Variants in USP40 observed in about 807,000 individuals in gnomAD.
USP40 encodes the protein ubiquitin specific peptidase 40.
A neutral mutation model predicts 166.2 loss-of-function variants in USP40; 143 were observed. That is an observed-to-expected ratio of 0.86 (90% confidence interval 0.75 to 0.99). The LOEUF (loss-of-function observed/expected upper bound fraction) is 0.99, where lower values mean the gene tolerates loss of function less well. Ranked by LOEUF, USP40 falls within the 50% of genes least tolerant of loss-of-function variation. The pLI, the probability that USP40 is intolerant of heterozygous loss-of-function variation, is 0.00. For missense variants in USP40, 1,444 were observed against 1,479.7 expected (o/e 0.98, Z 0.40); for synonymous variants, 498 against 524.0 (o/e 0.95, Z 0.68).
At chr2:233,491,346 T>A in intron 25 of USP40, 85 bp from the exon 26 acceptor site, 1 of 993,194 alleles carries the variant, frequency 1.0e-6, no homozygotes, top group Non-Finnish European at 1.6e-6. Flanking sequence ...TTTGATATTG[T>A]AAATAGGTTA....
chr2:233,491,993 CTT>C (rs2065378959), intron 25 of USP40, among the ~76,000 whole-genome samples: 1 of 152,156 alleles, frequency 6.6e-6, no homozygotes, highest in Non-Finnish European at 1.5e-5. Context: ...AGAAGTTCCT[CTT>C]GTGTCTTAAG....
chr2:233,485,163 A>G (rs1408269152), intron 30 of USP40, among the ~76,000 whole-genome samples: 1 of 152,070 alleles, frequency 6.6e-6, no homozygotes, highest in Non-Finnish European at 1.5e-5. Flanking sequence ...TTCTTACATA[A>G]TCTATTCTTC....
chr2:233,550,066 G>A (rs2070412254), intron 7 of USP40, among the ~76,000 whole-genome samples: 1 of 152,072 alleles, frequency 6.6e-6, no homozygotes, highest in Admixed American at 6.6e-5. Flanking sequence ...CTCTCTTCTG[G>A]CTTTGACGTC....
chr2:233,553,935 G>A (rs1032261918), intron 6 of USP40, among the ~76,000 whole-genome samples: 3 of 152,180 alleles, frequency 2.0e-5, no homozygotes, highest in Non-Finnish European at 2.9e-5. Flanking sequence ...ACTCCCACCT[G>A]GGGGAGGAGG....
At chr2:233,498,739 C>T in intron 22 of USP40, 127 bp from the exon 23 acceptor site, 1 of 718,942 alleles carries the variant, frequency 1.4e-6, no homozygotes. Flanking sequence ...AGCTATGGGC[C>T]TCCATGTTAA....
intron 18 of USP40, among the ~76,000 whole-genome samples, chr2:233,518,566 C>CAAA (rs61393952): frequency 2.6e-5 from 2 of 77,800 alleles, no homozygotes; most frequent in Admixed American, 1.4e-4. Flanking sequence ...GACTCTGTCT[C>CAAA]AAAAAAAAAA....
chr2:233,489,822 C>G, intron 26 of USP40: 1 of 205,940 alleles, frequency 4.9e-6, no homozygotes, highest in Non-Finnish European at 9.8e-6. Flanking sequence ...AGGGCAGAGC[C>G]CGCTCTAACA....
chr2:233,479,628 CGTGT>C (rs72454809), intron 31 of USP40, among the ~76,000 whole-genome samples: 4,731 of 145,460 alleles, frequency 0.033, 211 homozygotes, highest in African/African-American at 0.11. Context: ...TAGAATTTTA[CGTGT>C]GTGTGTGTGT....
chr2:233,553,017 C>A (rs1354181256), intron 6 of USP40, among the ~76,000 whole-genome samples: 1 of 151,692 alleles, frequency 6.6e-6, no homozygotes, highest in East Asian at 1.9e-4. Flanking sequence ...GCAGTGGGAA[C>A]GTCACCACTG....
Position 233,485,583 on chromosome 2 carries a change from T to A in USP40, c.3452A>T (p.Tyr1151Phe). 1.2e-6 allele frequency: 2 copies of A among 1,613,948 alleles called. No individual in the cohort carries two copies. Among genetic ancestry groups the A allele is most frequent in the Middle Eastern group, 3.3e-4 (2 of 6,062 alleles). Residue 1151 changes from tyrosine (Y) to phenylalanine (F), a missense_variant, in exon 30 of 32, where the codon TAT (tyrosine) becomes TTT (phenylalanine). Transcript: ENST00000678225. ...TKRKKKKKQD[Y>F]LQGAPYYLKD... is the part of the protein sequence containing the mutation. ...CAAGTAATACGGTGCCCCTTGCAAA[T>A]AATCTTGTTTTTTTTTCTTTTTCCT...
intron 18 of USP40, among the ~76,000 whole-genome samples, chr2:233,518,031 G>A (rs10207915): frequency 0.2 from 29,534 of 150,264 alleles, 3,030 homozygotes; most frequent in Non-Finnish European, 0.21. Context: ...TTGGGGGGAA[G>A]GGTGGGAGGG....
Position 233,486,723 on chromosome 2 carries a change from T to C in USP40, c.3198-746A>G, listed in dbSNP as rs938849851. On this transcript the variant is annotated intron_variant, in intron 28 of 31. Transcript: ENST00000678225. This position sits in a 1 kb window ranked among gnomAD's most constrained non-coding sequence, Gnocchi z 4.0. ...GTCACGCAATGAGAAATGAAATGACTGGAAGAAAGAGAGTTCACGGGAAGA... is the reference window on the plus strand; with the variant it reads ...GTCACGCAATGAGAAATGAAATGACCGGAAGAAAGAGAGTTCACGGGAAGA... Among the ~76,000 whole-genome samples, 1 of 152,168 alleles carries C rather than the reference T, an allele frequency of 6.6e-6. No individual in the cohort carries two copies. Among genetic ancestry groups the C allele is most frequent in the Non-Finnish European group, 1.5e-5 (1 of 68,020 alleles).
rs753393037 is a variant in USP40, at chr2:233,486,664, G to A, written c.3198-687C>T. On this transcript the variant is annotated intron_variant, in intron 28 of 31. Transcript: ENST00000678225. This position sits in a 1 kb window ranked among gnomAD's most constrained non-coding sequence, Gnocchi z 4.0. ...CTGAGACAATGAATGATTTTTAGAT[G>A]TACTTCTATTAAGTGTTTTTACCAT... Among the ~76,000 whole-genome samples the A allele has an allele frequency of 9.9e-5, 15 of 152,198 alleles. No homozygotes were observed. The highest frequency in any genetic ancestry group is 2.6e-4 in the Admixed American group (4 of 15,280).
chr2:233,558,969 T>TTCTA lies in USP40; in HGVS notation c.381+841_381+842insTAGA, dbSNP rs1329968487. On this transcript the variant is annotated intron_variant, in intron 4 of 31. Coordinates refer to ENST00000678225, the MANE Select transcript of USP40 (RefSeq NM_001365479.2). The stretch of plus-strand genomic sequence containing the variant: ...TAAGAAGTGTTCCTGGTTAGAAGAC[T>TTCTA]ACCCTTCAGAGTTTACCATTAAAGG... Among the ~76,000 whole-genome samples the TTCTA allele has an allele frequency of 2.2e-4, 33 of 152,358 alleles. No homozygotes were observed. The East Asian group carries it at 3.3e-3, about 15-fold the overall frequency.
chr2:233,531,725 T>C (rs2068539969), intron 11 of USP40, among the ~76,000 whole-genome samples: 1 of 152,238 alleles, frequency 6.6e-6, no homozygotes, highest in Admixed American at 6.5e-5. Flanking sequence ...TGCTTTATTC[T>C]TATTCTTCAT....
intron 30 of USP40, among the ~76,000 whole-genome samples, chr2:233,485,118 G>C (rs1045538422): frequency 6.6e-6 from 1 of 152,116 alleles, no homozygotes; most frequent in Non-Finnish European, 1.5e-5. Context: ...TTTATTTTAT[G>C]CTTTTTCTGC....
intron 8 of USP40, chr2:233,546,790 G>A (rs937486978): frequency 5.3e-5 from 8 of 152,136 alleles, no homozygotes; most frequent in African/African-American, 1.2e-4. Flanking sequence ...AGTTTAAGGC[G>A]GAGTGAGAAG....
Position 233,542,282 on chromosome 2 carries a change from C to G in USP40, c.1048G>C (p.Ala350Pro). 6.5e-7 allele frequency: 1 copy of G among 1,544,036 alleles called. No individual in the cohort carries two copies. The highest frequency in any genetic ancestry group is 8.7e-7 in the Non-Finnish European group (1 of 1,143,014). The change falls in exon 9 of 32, where the codon GCA becomes CCA. Residue 350 changes from alanine to proline, a missense_variant. Transcript: ENST00000678225. ...EIDHPLMILK[A>P]ILLEEENNLI... is the part of the protein sequence containing the mutation. Reference sequence around the variant, plus strand: ...ACATACTATACCTCTAATAAGATTGCTTTTAGAATCATCAGTGGATGATCA... The same window carrying G: ...ACATACTATACCTCTAATAAGATTGGTTTTAGAATCATCAGTGGATGATCA...
At chr2:233,544,180 A>C (rs1051885274) in intron 8 of USP40, among the ~76,000 whole-genome samples, 1 of 152,208 alleles carries the variant, frequency 6.6e-6, no homozygotes, top group Non-Finnish European at 1.5e-5. Flanking sequence ...AACAACAGTT[A>C]AGAACTCAGG....
Sources: allele counts gnomAD v4.1 joint callset (sites outside exome capture counted in the v4.1 genomes callset), GRCh38; gene constraint gnomAD v4.1.1; non-coding constraint Gnocchi (gnomAD v3.1); transcripts MANE v1.5; gene names NCBI Gene and HGNC (gene_info 2026-07-23, HGNC 2026-07-21).